PLPPR1: variants seen among roughly 807,000 people sequenced by gnomAD.
PLPPR1 encodes the protein phospholipid phosphatase-related protein type 1.
Under a neutral mutation model 33.1 loss-of-function variants are expected in PLPPR1, and 10 were observed. The observed-to-expected ratio is 0.30, with a 90% CI of 0.19 to 0.51. The LOEUF (loss-of-function observed/expected upper bound fraction) is 0.51. Ranked by LOEUF, PLPPR1 falls within the 20% of genes least tolerant of loss-of-function variation. The pLI is 0.97. For synonymous variants in PLPPR1, 151 were observed against 151.0 expected, an observed-to-expected ratio of 1.00 and a Z score of 0.00; for missense variants, 304 against 408.1, an observed-to-expected ratio of 0.74 and a Z score of 2.20.
chr9:101,221,196 A>G (rs1487612335), intron 2 of PLPPR1, among the ~76,000 whole-genome samples: 2 of 152,060 alleles, frequency 1.3e-5, no homozygotes, highest in African/African-American at 4.8e-5. Context: ...CCATCACCTG[A>G]GCAGTATACG....
At chr9:101,238,365 G>T (rs1423343535) in intron 2 of PLPPR1, among the ~76,000 whole-genome samples, 1 of 107,244 alleles carries the variant, frequency 9.3e-6, no homozygotes, top group African/African-American at 3.9e-5. Context: ...ATATATATAT[G>T]GGTATATATA....
chr9:101,109,924 G>A (rs1178756899), intron 1 of PLPPR1, among the ~76,000 whole-genome samples: 1 of 152,136 alleles, frequency 6.6e-6, no homozygotes, highest in Non-Finnish European at 1.5e-5. Context: ...AATGGCCATT[G>A]TGTGGTGCTG....
chr9:101,124,536 C>T (rs1831220998), intron 1 of PLPPR1, among the ~76,000 whole-genome samples: 1 of 152,190 alleles, frequency 6.6e-6, no homozygotes, highest in African/African-American at 2.4e-5. Flanking sequence ...ACCCTCACCT[C>T]CATATTAGTA....
intron 2 of PLPPR1, among the ~76,000 whole-genome samples, chr9:101,239,003 A>G (rs1235402553): frequency 2.0e-5 from 3 of 147,782 alleles, no homozygotes; most frequent in Non-Finnish European, 4.5e-5. Flanking sequence ...TCTGTGCCTG[A>G]CTTAACATAA....
At chr9:101,237,939 T>TATGTTATATATATATAC (rs1827346673) in intron 2 of PLPPR1, among the ~76,000 whole-genome samples, 1 of 132,008 alleles carries the variant, frequency 7.6e-6, no homozygotes, top group Admixed American at 7.6e-5. Flanking sequence ...TATATATATA[T>TATGTTATATATATATAC]ATGCTATATA....
intron 2 of PLPPR1, among the ~76,000 whole-genome samples, chr9:101,219,293 G>C (rs1826874760): frequency 6.6e-6 from 1 of 152,148 alleles, no homozygotes; most frequent in South Asian, 2.1e-4. Context: ...TAGGAGGTGG[G>C]TACATAACAC....
chr9:101,249,589 C>G (rs1462211394), intron 2 of PLPPR1, among the ~76,000 whole-genome samples: 1 of 151,958 alleles, frequency 6.6e-6, no homozygotes, highest in Admixed American at 6.6e-5. Flanking sequence ...CTCACATTTT[C>G]TCACTTCTTT....
intron 4 of PLPPR1, among the ~76,000 whole-genome samples, chr9:101,301,364 TCA>T (rs143666403): frequency 1.8e-3 from 281 of 152,306 alleles, no homozygotes; most frequent in African/African-American, 6.5e-3. Context: ...TCTACTTCTC[TCA>T]GTTATAAGAG....
chr9:101,236,080 G>T (rs1827292782), intron 2 of PLPPR1, among the ~76,000 whole-genome samples: 1 of 151,548 alleles, frequency 6.6e-6, no homozygotes, highest in Non-Finnish European at 1.5e-5. Context: ...AGAATTTCTG[G>T]TAGAGAGACT....
intron 1 of PLPPR1, among the ~76,000 whole-genome samples, chr9:101,049,839 G>T (rs1044665891): frequency 4.6e-5 from 7 of 150,802 alleles, no homozygotes; most frequent in Non-Finnish European, 8.9e-5. Flanking sequence ...AAAAAAAAAA[G>T]TATAGGCCAT....
intron 3 of PLPPR1, among the ~76,000 whole-genome samples, chr9:101,276,230 TA>T (rs956757245): frequency 3.9e-5 from 6 of 151,904 alleles, no homozygotes; most frequent in African/African-American, 7.3e-5. Context: ...CTTCCTTTTT[TA>T]AAAAAAAATT....
At chr9:101,301,099 A>G in intron 4 of PLPPR1, among the ~76,000 whole-genome samples, 1 of 152,202 alleles carries the variant, frequency 6.6e-6, no homozygotes, top group Admixed American at 6.5e-5. Context: ...TGGGCTTTCT[A>G]GTTGATTACT....
At position 101,029,995 on chromosome 9, in the gene PLPPR1, G is replaced by GT. The variant is rs138800457; in HGVS notation, c.-46+900dup. The stretch of plus-strand genomic sequence containing the variant: ...TTATTTTTCTTTGTGGGGATGTCGG[G>GT]TTTTTTTCCTTTCAACCTCTTTCCT... On this transcript the variant is annotated intron_variant, in intron 1 of 7. Transcript: ENST00000374874. 7.7e-3 allele frequency among the ~76,000 whole-genome samples: 1,174 copies of GT among 151,930 alleles called. 12 individuals are homozygous for GT. Among genetic ancestry groups the GT allele is most frequent in the African/African-American group, 0.027 (1,136 of 41,446 alleles).
At chr9:101,201,411 C>T (rs1349314384) in intron 2 of PLPPR1, among the ~76,000 whole-genome samples, 4 of 152,116 alleles carry the variant, frequency 2.6e-5, no homozygotes, top group South Asian at 2.1e-4. Context: ...TAAGATGAAA[C>T]ACTTTGAAGC....
At chr9:101,285,196 T>C (rs1828371495) in intron 3 of PLPPR1, among the ~76,000 whole-genome samples, 1 of 152,194 alleles carries the variant, frequency 6.6e-6, no homozygotes, top group South Asian at 2.1e-4. Flanking sequence ...GTTATGGCAG[T>C]GTCATTGTTC....
At position 101,308,734 on chromosome 9, in the gene PLPPR1, C is replaced by A. The variant is rs181173655; in HGVS notation, c.386-477C>A. Among the ~76,000 whole-genome samples the A allele has an allele frequency of 4.6e-5, 7 of 152,194 alleles. No individual in the cohort carries two copies. In the East Asian group the frequency reaches 1.4e-3, roughly 29 times the overall value. ...ACTCCTCCCAAGATGATTTACATTT[C>A]CAAGTAGAATCAGGGAGAAGGTATT... On this transcript the variant is annotated intron_variant, in intron 4 of 7. Transcript: ENST00000374874.
At chr9:101,246,822 T>A (rs548311503) in intron 2 of PLPPR1, among the ~76,000 whole-genome samples, 1 of 152,202 alleles carries the variant, frequency 6.6e-6, no homozygotes, top group Admixed American at 6.5e-5. Flanking sequence ...GTCTCAGAGT[T>A]AACCAGCTAT....
intron 1 of PLPPR1, among the ~76,000 whole-genome samples, chr9:101,138,991 A>G (rs1241404164): frequency 6.6e-6 from 1 of 152,112 alleles, no homozygotes; most frequent in Non-Finnish European, 1.5e-5. Flanking sequence ...GTCTCCAGCA[A>G]CTGTTTTTAC....
chr9:101,229,100 G>A (rs189322629), intron 2 of PLPPR1, among the ~76,000 whole-genome samples: 1 of 152,250 alleles, frequency 6.6e-6, no homozygotes, highest in East Asian at 1.9e-4. Context: ...GCTTCTGGAA[G>A]TTTGTCTTGC....
Sources: allele counts gnomAD v4.1 joint callset (sites outside exome capture counted in the v4.1 genomes callset), GRCh38; gene constraint gnomAD v4.1.1; transcripts MANE v1.5; gene names NCBI Gene and HGNC (gene_info 2026-07-23, HGNC 2026-07-21).